Variants in THADA observed in about 807,000 individuals in gnomAD.
The protein encoded by THADA is THADA armadillo repeat containing, also known as tRNA (32-2'-O)-methyltransferase regulator THADA.
Under a neutral mutation model 219.8 loss-of-function variants are expected in THADA, and 213 were observed. The observed-to-expected ratio is 0.97, with a 90% CI of 0.87 to 1.09. The LOEUF (loss-of-function observed/expected upper bound fraction) is 1.09. Ranked by LOEUF, THADA falls within the 50% of genes least tolerant of loss-of-function variation. THADA has a pLI of 0.00. For missense variants in THADA, 2,956 were observed against 2,311.3 expected (o/e 1.28, Z -5.72); for synonymous variants, 1,018 against 828.9 (o/e 1.23, Z -3.92).
At chr2:43,401,853 G>A (rs1674886186) in intron 28 of THADA, among the ~76,000 whole-genome samples, 2 of 152,052 alleles carry the variant, frequency 1.3e-5, no homozygotes, top group South Asian at 2.1e-4. Context: ...GAAATCAAGG[G>A]AGCATAAAAA....
chr2:43,499,721 C>T (rs1467804389), intron 24 of THADA, among the ~76,000 whole-genome samples: 5 of 151,832 alleles, frequency 3.3e-5, no homozygotes, highest in African/African-American at 1.2e-4. Flanking sequence ...ACATTAAACA[C>T]TGGTCAAATT....
chr2:43,284,860 C>A (rs1435790512), intron 35 of THADA, among the ~76,000 whole-genome samples: 5 of 152,238 alleles, frequency 3.3e-5, no homozygotes, highest in African/African-American at 1.2e-4. Context: ...CCACTCCCTG[C>A]ATCAGCATGC....
At chr2:43,504,593 C>T (rs900306583) in intron 24 of THADA, among the ~76,000 whole-genome samples, 1 of 152,172 alleles carries the variant, frequency 6.6e-6, no homozygotes, top group African/African-American at 2.4e-5. Context: ...GAGTGTCCTA[C>T]TATAGGCTGG....
At chr2:43,392,680 G>C (rs1673533386) in intron 29 of THADA, among the ~76,000 whole-genome samples, 1 of 151,920 alleles carries the variant, frequency 6.6e-6, no homozygotes, top group Admixed American at 6.6e-5. Flanking sequence ...AATCTATTGG[G>C]GTGCTCCAGA....
intron 36 of THADA, among the ~76,000 whole-genome samples, chr2:43,254,845 C>G (rs1437321883): frequency 2.0e-5 from 3 of 152,216 alleles, no homozygotes; most frequent in Admixed American, 1.3e-4. Flanking sequence ...CATCTCCCCT[C>G]AGGGCTTGGG....
At chr2:43,259,782 G>T (rs539183695) in intron 36 of THADA, among the ~76,000 whole-genome samples, 1 of 152,148 alleles carries the variant, frequency 6.6e-6, no homozygotes, top group Non-Finnish European at 1.5e-5. Flanking sequence ...ACTGTTGAAA[G>T]GAATACCTTA....
chr2:43,280,658 A>AAAC lies in THADA; in HGVS notation c.5165-765_5165-763dup, dbSNP rs372603872. Among the ~76,000 whole-genome samples, 514 of 152,102 alleles carry AAAC rather than the reference A, an allele frequency of 3.4e-3. 2 individuals carry two copies. The highest frequency in any genetic ancestry group is 0.016 in the South Asian group (78 of 4,794). On this transcript the variant is annotated intron_variant, in intron 35 of 37. Coordinates refer to ENST00000405975, the MANE Select transcript of THADA (RefSeq NM_022065.5). ...CTCCCGACCAAAAAAACAAAAAACA[A>AAAC]AACAACAACAACAACAAAAAAAAGA...
chr2:43,358,008 T>C (rs1249613625), intron 29 of THADA, among the ~76,000 whole-genome samples: 3 of 152,212 alleles, frequency 2.0e-5, no homozygotes, highest in Non-Finnish European at 4.4e-5. Context: ...TATGTAACTA[T>C]AGTTCTATGT....
intron 22 of THADA, among the ~76,000 whole-genome samples, chr2:43,527,516 T>C (rs6752964): frequency 0.11 from 16,101 of 152,128 alleles, 932 homozygotes; most frequent in African/African-American, 0.14. Flanking sequence ...GCTTCTGTAA[T>C]ACAAACCCCA....
intron 29 of THADA, among the ~76,000 whole-genome samples, chr2:43,360,688 C>T (rs1669408970): frequency 6.6e-6 from 1 of 152,194 alleles, no homozygotes; most frequent in African/African-American, 2.4e-5. Context: ...TCTAAGCAAC[C>T]AGTCACCCAC....
At chr2:43,592,910 T>C (rs1025102715) in intron 1 of THADA, 1 of 152,086 alleles carries the variant, frequency 6.6e-6, no homozygotes, top group Non-Finnish European at 1.5e-5. Flanking sequence ...TGAAAAAAAA[T>C]ATTTTTTTAA....
intron 20 of THADA, among the ~76,000 whole-genome samples, chr2:43,547,311 C>G (rs1265477450): frequency 6.6e-6 from 1 of 152,200 alleles, no homozygotes; most frequent in Non-Finnish European, 1.5e-5. Context: ...TTTTTTCCTT[C>G]ATTTCAACTT....
intron 10 of THADA, among the ~76,000 whole-genome samples, chr2:43,575,466 G>A (rs773445317): frequency 1.3e-5 from 2 of 152,096 alleles, no homozygotes; most frequent in African/African-American, 4.8e-5. Flanking sequence ...TAATAGTCCA[G>A]GAAGGGACAT....
intron 24 of THADA, among the ~76,000 whole-genome samples, chr2:43,499,656 TGTGAGCCA>T (rs1688686176): frequency 6.6e-6 from 1 of 152,114 alleles, no homozygotes; most frequent in Admixed American, 6.6e-5. Context: ...GCATTATAGG[TGTGAGCCA>T]GCGCACCCGG....
chr2:43,385,411 C>T (rs1672533473), intron 29 of THADA, among the ~76,000 whole-genome samples: 1 of 151,898 alleles, frequency 6.6e-6, no homozygotes, highest in Non-Finnish European at 1.5e-5. Flanking sequence ...TCGAGACCAT[C>T]CTGGCTAACA....
chr2:43,300,105 TTACA>T lies in THADA; in HGVS notation c.4439-6896_4439-6893del, dbSNP rs368675135. On this transcript the variant is annotated intron_variant, in intron 31 of 37. Coordinates refer to ENST00000405975, the MANE Select transcript of THADA (RefSeq NM_022065.5). ...TGTACTATTCTGTAATTACAAAATATTACATACCCATGATTTAATGCTACGAATA... is the reference window on the plus strand; with the variant it reads ...TGTACTATTCTGTAATTACAAAATATTACCCATGATTTAATGCTACGAATA... Among the ~76,000 whole-genome samples the T allele has an allele frequency of 1.8e-3, 268 of 151,860 alleles. 1 individual carries two copies. The highest frequency in any genetic ancestry group is 6.2e-3 in the African/African-American group (258 of 41,406).
intron 17 of THADA, among the ~76,000 whole-genome samples, chr2:43,553,845 T>G (rs1697029489): frequency 6.6e-6 from 1 of 152,244 alleles, no homozygotes; most frequent in Non-Finnish European, 1.5e-5. Flanking sequence ...ACTGTGATTT[T>G]GATTTGCATT....
chr2:43,342,172 C>T lies in THADA; in HGVS notation c.4343+1950G>A, dbSNP rs562192833. On this transcript the variant is annotated intron_variant, in intron 30 of 37. Coordinates refer to ENST00000405975, the MANE Select transcript of THADA (RefSeq NM_022065.5). ...TCAAGGCTACAGTGAGCCGTGGTAG[C>T]GCCACTGCACTCTAACCTGGGTGAC... Among the ~76,000 whole-genome samples, 7 of 152,216 alleles carry T rather than the reference C, an allele frequency of 4.6e-5. No homozygotes were observed. In the East Asian group the frequency reaches 9.7e-4, roughly 21 times the overall value.
At position 43,287,069 on chromosome 2, in the gene THADA, C is replaced by A; in HGVS notation, c.5011-8G>T. On this transcript the variant is annotated splice_polypyrimidine_tract_variant and splice_region_variant and intron_variant, in intron 34 of 37. Transcript: ENST00000405975. The stretch of plus-strand genomic sequence containing the variant: ...AGCTATCAATTCCCTGTTCTAAAAG[C>A]ACAAAATGTACCTATCAGTAGTTCA... 1 of 1,609,262 alleles carries A rather than the reference C, an allele frequency of 6.2e-7. No individual in the cohort carries two copies. The highest frequency in any genetic ancestry group is 1.1e-5 in the South Asian group (1 of 90,416).
Sources: allele counts gnomAD v4.1 joint callset (sites outside exome capture counted in the v4.1 genomes callset), GRCh38; gene constraint gnomAD v4.1.1; transcripts MANE v1.5; gene names NCBI Gene and HGNC (gene_info 2026-07-23, HGNC 2026-07-21).